Variants in PTPRD observed in about 807,000 individuals in gnomAD.
PTPRD encodes the protein receptor-type tyrosine-protein phosphatase delta.
In PTPRD, 34 loss-of-function variants were observed where a neutral mutation model predicts 214.5. That is an observed-to-expected ratio of 0.16 (90% CI 0.12 to 0.21). PTPRD has a LOEUF of 0.21. PTPRD is among the 10% of genes least tolerant of loss of function. The pLI, the probability that PTPRD is intolerant of heterozygous loss-of-function variation, is 1.00. For synonymous variants in PTPRD, 1,128 were observed against 845.7 expected, an observed-to-expected ratio of 1.33 and a Z score of -5.79; for missense variants, 2,545 against 2,398.7, an observed-to-expected ratio of 1.06 and a Z score of -1.27.
chr9:10,478,261 A>G (rs573630045), intron 2 of PTPRD, among the ~76,000 whole-genome samples: 2 of 152,370 alleles, frequency 1.3e-5, no homozygotes, highest in East Asian at 3.9e-4. Context: ...ACTTACAAGT[A>G]AGATGGCAAG....
At chr9:9,795,961 C>T (rs544779139) in intron 5 of PTPRD, among the ~76,000 whole-genome samples, 1 of 152,072 alleles carries the variant, frequency 6.6e-6, no homozygotes, top group Admixed American at 6.5e-5. Context: ...AAGAATATAT[C>T]AATGACTATG....
chr9:9,811,850 C>A (rs942715004), intron 5 of PTPRD, among the ~76,000 whole-genome samples: 3 of 152,184 alleles, frequency 2.0e-5, no homozygotes, highest in African/African-American at 7.2e-5. Flanking sequence ...GGGATTGACT[C>A]TAATTGTGAA....
At chr9:9,736,749 G>GT (rs1285890247) in intron 6 of PTPRD, among the ~76,000 whole-genome samples, 2 of 151,794 alleles carry the variant, frequency 1.3e-5, no homozygotes, top group South Asian at 2.1e-4. Flanking sequence ...ATCTGAGAAG[G>GT]TTTTTTTAAG....
At chr9:10,469,159 G>T (rs2099013944) in intron 2 of PTPRD, among the ~76,000 whole-genome samples, 10 of 151,866 alleles carry the variant, frequency 6.6e-5, no homozygotes, top group Admixed American at 6.6e-4. Context: ...AATCCAAATG[G>T]AAGAAACAAA....
At chr9:9,968,028 T>C (rs1367177096) in intron 4 of PTPRD, among the ~76,000 whole-genome samples, 2 of 152,152 alleles carry the variant, frequency 1.3e-5, no homozygotes, top group African/African-American at 2.4e-5. Context: ...GTGATAAAAA[T>C]GTTCTCTCAC....
chr9:9,445,286 G>C lies in PTPRD; in HGVS notation c.-236-47804C>G, dbSNP rs931644224. 2.0e-5 allele frequency among the ~76,000 whole-genome samples: 3 copies of C among 152,084 alleles called. No individual in the cohort carries two copies. In the South Asian group the frequency reaches 6.2e-4, roughly 32 times the overall value. On this transcript the variant is annotated intron_variant, in intron 8 of 45. Coordinates refer to ENST00000381196, the MANE Select transcript of PTPRD (RefSeq NM_002839.4). ...CTGTCCCACGTTTATCCCTGCAAAT[G>C]GACAATACAAATTAAAGCTAGTCAG...
chr9:10,539,691 C>T (rs1590367756), intron 2 of PTPRD, among the ~76,000 whole-genome samples: 1 of 152,156 alleles, frequency 6.6e-6, no homozygotes. Context: ...CATCTTAGTT[C>T]CACCCACTAA....
chr9:8,537,387 C>G (rs543902211), intron 14 of PTPRD, among the ~76,000 whole-genome samples: 1 of 151,734 alleles, frequency 6.6e-6, no homozygotes, highest in Non-Finnish European at 1.5e-5. Flanking sequence ...ATGGAACATA[C>G]GATAAATATA....
intron 2 of PTPRD, among the ~76,000 whole-genome samples, chr9:10,344,221 G>A (rs946883787): frequency 5.3e-5 from 8 of 151,744 alleles, no homozygotes; most frequent in Non-Finnish European, 7.4e-5. Context: ...TGTAAGGAAG[G>A]GATCCAGTTT....
intron 9 of PTPRD, among the ~76,000 whole-genome samples, chr9:9,239,223 C>G (rs988675095): frequency 6.7e-6 from 1 of 150,040 alleles, no homozygotes; most frequent in East Asian, 2.0e-4. Flanking sequence ...CACAAGTATT[C>G]TGTCAAAAAG....
At chr9:8,943,794 T>C (rs998737987) in intron 11 of PTPRD, among the ~76,000 whole-genome samples, 1 of 151,122 alleles carries the variant, frequency 6.6e-6, no homozygotes, top group Non-Finnish European at 1.5e-5. Flanking sequence ...CTTCAAACTA[T>C]GAAACCACTA....
intron 5 of PTPRD, among the ~76,000 whole-genome samples, chr9:9,894,712 T>C (rs1377575779): frequency 6.6e-6 from 1 of 152,094 alleles, no homozygotes; most frequent in Non-Finnish European, 1.5e-5. Context: ...ATAATATCTC[T>C]CTTTTTTATT....
Position 8,485,311 on chromosome 9 carries a change from A to T in PTPRD, c.3069T>A (p.Asn1023Lys). ...TCTTCATTACTGCTTTGACATGAAAATTTTTTGCAAACACTGCTGGAAAAG... is the reference window on the plus strand; with the variant it reads ...TCTTCATTACTGCTTTGACATGAAATTTTTTTGCAAACACTGCTGGAAAAG... The part of the protein sequence containing the change: ...TLPVDQVFAK[N>K]FHVKAVMKTS... Residue 1023 changes from asparagine to lysine, a missense_variant, in exon 29 of 46, where the codon AAT becomes AAA. By Grantham distance (94) the Asn-to-Lys change is moderately conservative. Transcript: ENST00000381196. 6.2e-7 allele frequency: 1 copy of T among 1,613,932 alleles called. No homozygotes were observed. Among genetic ancestry groups the T allele is most frequent in the East Asian group, 2.2e-5 (1 of 44,866 alleles).
chr9:9,593,151 G>T (rs1429181272), intron 7 of PTPRD, among the ~76,000 whole-genome samples: 2 of 149,564 alleles, frequency 1.3e-5, no homozygotes, highest in East Asian at 3.9e-4. Context: ...GGAAAGAAAA[G>T]AAAAGAAAAA....
rs191850271 is a variant in PTPRD, at chr9:9,868,636, C to A, written c.-368+69871G>T. 6.6e-5 allele frequency among the ~76,000 whole-genome samples: 10 copies of A among 151,536 alleles called. No individual in the cohort carries two copies. The East Asian group carries it at 1.7e-3, about 26-fold the overall frequency. On this transcript the variant is annotated intron_variant, in intron 5 of 45. Transcript: ENST00000381196. ...ATCCCTGAGCGGGAGAATACCCTAA[C>A]GTGCAGTGTAACAGGGTTTGGCTAG...
chr9:10,403,527 C>G (rs1456469879), intron 2 of PTPRD, among the ~76,000 whole-genome samples: 1 of 151,272 alleles, frequency 6.6e-6, no homozygotes, highest in Non-Finnish European at 1.5e-5. Flanking sequence ...TCATTCACTG[C>G]TTTTGGGAGA....
At chr9:9,321,454 C>G (rs555539454) in intron 9 of PTPRD, among the ~76,000 whole-genome samples, 32 of 151,210 alleles carry the variant, frequency 2.1e-4, no homozygotes, top group Non-Finnish European at 4.4e-5. Flanking sequence ...ACTAGGGAGG[C>G]TGAGGCAAGA....
intron 7 of PTPRD, among the ~76,000 whole-genome samples, chr9:9,594,974 CAT>C (rs931531377): frequency 2.5e-4 from 38 of 151,958 alleles, no homozygotes; most frequent in African/African-American, 9.2e-4. Flanking sequence ...GGTCAACAAA[CAT>C]ATGGAAAAAT....
At chr9:8,466,273 G>C (rs1275679036) in intron 31 of PTPRD, among the ~76,000 whole-genome samples, 1 of 151,844 alleles carries the variant, frequency 6.6e-6, no homozygotes, top group African/African-American at 2.4e-5. Flanking sequence ...TCCCTGGTTA[G>C]GCAATTAGGG....
Sources: allele counts gnomAD v4.1 joint callset (sites outside exome capture counted in the v4.1 genomes callset), GRCh38; gene constraint gnomAD v4.1.1; transcripts MANE v1.5; gene names NCBI Gene and HGNC (gene_info 2026-07-23, HGNC 2026-07-21).